GALNT13: variants seen among roughly 807,000 people sequenced by gnomAD.
GALNT13 encodes UDP-GalNAc:polypeptide N-acetylgalactosaminyltransferase 13.
GALNT13 carries 28 observed loss-of-function variants against 64.2 expected under a neutral mutation model. The observed-to-expected ratio is 0.44, with a 90% confidence interval of 0.32 to 0.60. The LOEUF (loss-of-function observed/expected upper bound fraction) is 0.60, where lower values mean the gene tolerates loss of function less well. Among genes scored for constraint, GALNT13 ranks in the 20% least tolerant of loss-of-function variants. GALNT13 has a pLI of 0.05. For synonymous variants in GALNT13, 214 were observed against 224.6 expected, an observed-to-expected ratio of 0.95 and a Z score of 0.42; for missense variants, 577 against 669.8, an observed-to-expected ratio of 0.86 and a Z score of 1.53.
chr2:153,777,755 G>A, the GALNT13 span, among the ~76,000 whole-genome samples: 1 of 152,144 alleles, frequency 6.6e-6, no homozygotes, highest in Non-Finnish European at 1.5e-5. Flanking sequence ...GCAGTGTCTA[G>A]GGGTGGATGT....
At chr2:153,910,903 T>A (rs1255643895) in intron 2 of GALNT13, among the ~76,000 whole-genome samples, 2 of 152,190 alleles carry the variant, frequency 1.3e-5, no homozygotes, top group African/African-American at 4.8e-5. Context: ...ATTCTGTTGT[T>A]TTTGGATGGA....
intron 9 of GALNT13, among the ~76,000 whole-genome samples, chr2:154,361,458 T>C (rs1426761850): frequency 6.6e-6 from 1 of 152,102 alleles, no homozygotes; most frequent in Non-Finnish European, 1.5e-5. Flanking sequence ...GATTCAAGGC[T>C]GAATATTTGG....
At chr2:153,724,323 T>A in the GALNT13 span, among the ~76,000 whole-genome samples, 3 of 132,514 alleles carry the variant, frequency 2.3e-5, no homozygotes, top group Admixed American at 7.2e-5. Context: ...ATTAAAGACT[T>A]AAACGTTAGA....
At chr2:153,278,568 C>CT in the GALNT13 span, among the ~76,000 whole-genome samples, 1 of 151,988 alleles carries the variant, frequency 6.6e-6, no homozygotes, top group Non-Finnish European at 1.5e-5. Context: ...TATTCTTCTG[C>CT]TTGTGGTCAG....
the GALNT13 span, among the ~76,000 whole-genome samples, chr2:153,743,158 T>A: frequency 1.3e-5 from 2 of 152,006 alleles, no homozygotes; most frequent in Non-Finnish European, 2.9e-5. Flanking sequence ...TTTTAGTTTT[T>A]TGAGAAATCT....
intron 9 of GALNT13, among the ~76,000 whole-genome samples, chr2:154,365,573 A>G (rs894382505): frequency 4.6e-5 from 7 of 152,338 alleles, no homozygotes; most frequent in Middle Eastern, 3.4e-3. Context: ...TTTGGAAACA[A>G]TATATCTATT....
Position 154,246,376 on chromosome 2 carries a change from C to T in GALNT13, c.857+394C>T, listed in dbSNP as rs1239016178. Among the ~76,000 whole-genome samples the T allele has an allele frequency of 7.9e-5, 12 of 152,146 alleles. No homozygotes were observed. The South Asian group carries it at 2.3e-3, about 29-fold the overall frequency. On this transcript the variant is annotated intron_variant, in intron 7 of 12. Transcript: ENST00000392825. Reference sequence around the variant, plus strand: ...AGCCAAAAATGTTTTGGTAAGTATTCTAAATATACCACCTTTAAAAGGTTA... The same window carrying T: ...AGCCAAAAATGTTTTGGTAAGTATTTTAAATATACCACCTTTAAAAGGTTA...
chr2:153,665,621 G>T, the GALNT13 span, among the ~76,000 whole-genome samples: 1 of 152,048 alleles, frequency 6.6e-6, no homozygotes, highest in African/African-American at 2.4e-5. Flanking sequence ...ATAAAAAGGG[G>T]GTGAACAAAT....
chr2:153,673,775 T>A, the GALNT13 span, among the ~76,000 whole-genome samples: 3 of 152,308 alleles, frequency 2.0e-5, no homozygotes, highest in East Asian at 5.8e-4. Flanking sequence ...TTGTCTCTGT[T>A]GCAGATGACA....
chr2:153,932,126 G>C (rs1690572833), intron 2 of GALNT13, among the ~76,000 whole-genome samples: 1 of 152,040 alleles, frequency 6.6e-6, no homozygotes, highest in Non-Finnish European at 1.5e-5. Context: ...TATTTCTGTG[G>C]AGTCAGTGAT....
chr2:153,181,028 TTC>T, the GALNT13 span, among the ~76,000 whole-genome samples: 5 of 115,004 alleles, frequency 4.3e-5, no homozygotes, highest in East Asian at 2.7e-4. Context: ...TTTTTATTGT[TTC>T]TTTTTTTTTT....
At chr2:153,166,843 G>A in the GALNT13 span, among the ~76,000 whole-genome samples, 2 of 152,198 alleles carry the variant, frequency 1.3e-5, no homozygotes, top group African/African-American at 2.4e-5. Flanking sequence ...CCATGCTACA[G>A]TGGGGAGGCC....
At chr2:153,369,911 T>C in the GALNT13 span, among the ~76,000 whole-genome samples, 13 of 152,210 alleles carry the variant, frequency 8.5e-5, no homozygotes, top group Non-Finnish European at 1.5e-4. Context: ...TGAGAGATTA[T>C]GAACCAGAGG....
At chr2:153,319,092 G>C in the GALNT13 span, among the ~76,000 whole-genome samples, 1 of 152,114 alleles carries the variant, frequency 6.6e-6, no homozygotes, top group Non-Finnish European at 1.5e-5. Context: ...TTGAATCCCT[G>C]TGTGTATTAC....
the GALNT13 span, among the ~76,000 whole-genome samples, chr2:153,646,706 T>C: frequency 1.3e-5 from 2 of 152,050 alleles, no homozygotes; most frequent in Non-Finnish European, 2.9e-5. Flanking sequence ...AGTGAGAATA[T>C]GCGGTGTTTG....
At chr2:153,618,751 C>A in the GALNT13 span, among the ~76,000 whole-genome samples, 5 of 151,812 alleles carry the variant, frequency 3.3e-5, no homozygotes, top group Admixed American at 6.6e-5. Context: ...GCTCAATTGA[C>A]CCTTTTATTA....
chr2:154,180,787 A>G (rs1685920106), intron 4 of GALNT13, among the ~76,000 whole-genome samples: 1 of 152,140 alleles, frequency 6.6e-6, no homozygotes, highest in Admixed American at 6.6e-5. Flanking sequence ...CTATATACTT[A>G]ATTTCATTGC....
At chr2:153,887,402 G>A (rs1687255146) in intron 1 of GALNT13, among the ~76,000 whole-genome samples, 1 of 151,010 alleles carries the variant, frequency 6.6e-6, no homozygotes, top group African/African-American at 2.4e-5. Context: ...AAGAGTTATT[G>A]TAAGGAGTTA....
intron 11 of GALNT13, among the ~76,000 whole-genome samples, chr2:154,421,678 G>A (rs1700259464): frequency 6.6e-6 from 1 of 151,862 alleles, no homozygotes; most frequent in Non-Finnish European, 1.5e-5. Flanking sequence ...CTTTGCACAA[G>A]AAATACGTTT....
Sources: allele counts gnomAD v4.1 joint callset (sites outside exome capture counted in the v4.1 genomes callset), GRCh38; gene constraint gnomAD v4.1.1; transcripts MANE v1.5; gene names NCBI Gene and HGNC (gene_info 2026-07-23, HGNC 2026-07-21).